Variants in PPM1D observed in about 807,000 individuals in gnomAD.
The protein encoded by PPM1D is protein phosphatase, Mg2+/Mn2+ dependent 1D.
PPM1D carries 52 observed loss-of-function variants against 58.3 expected under a neutral mutation model. That is an observed-to-expected ratio of 0.89 (90% CI 0.71 to 1.12). The LOEUF (loss-of-function observed/expected upper bound fraction) is 1.12, where lower values mean the gene tolerates loss of function less well. PPM1D is among the 50% of genes most tolerant of loss of function. PPM1D has a pLI of 0.00. For synonymous variants in PPM1D, 278 were observed against 285.1 expected (o/e 0.98, Z 0.25); for missense variants, 564 against 777.2 (o/e 0.73, Z 3.26).
intron 2 of PPM1D, among the ~76,000 whole-genome samples, chr17:60,627,426 T>C (rs1053662019): frequency 2.7e-5 from 4 of 149,476 alleles, no homozygotes; most frequent in Non-Finnish European, 5.9e-5. Flanking sequence ...TCTTTTTCTT[T>C]CTTTTTTTTT....
intron 1 of PPM1D, among the ~76,000 whole-genome samples, chr17:60,603,598 A>G (rs1598397553): frequency 6.6e-6 from 1 of 152,170 alleles, no homozygotes; most frequent in Non-Finnish European, 1.5e-5. Flanking sequence ...CCTTGTCTCT[A>G]CTAAAAATAC....
At position 60,614,065 on chromosome 17, in the gene PPM1D, C is replaced by T. The variant is rs915642259; in HGVS notation, c.473-9456C>T. 1.2e-4 allele frequency among the ~76,000 whole-genome samples: 18 copies of T among 152,226 alleles called. No individual in the cohort carries two copies. In the South Asian group the frequency reaches 1.7e-3, roughly 14 times the overall value. ...TGGCAGGCAGCTCCACCTGCGGCCCCGGTGCGGGATCCACTGCAAAGCCAG... is the reference window on the plus strand; with the variant it reads ...TGGCAGGCAGCTCCACCTGCGGCCCTGGTGCGGGATCCACTGCAAAGCCAG... On this transcript the variant is annotated intron_variant, in intron 1 of 5. Transcript: ENST00000305921.
intron 1 of PPM1D, among the ~76,000 whole-genome samples, chr17:60,617,236 G>T (rs950091828): frequency 6.6e-6 from 1 of 151,918 alleles, no homozygotes; most frequent in Non-Finnish European, 1.5e-5. Flanking sequence ...GTGAATGTAG[G>T]CATGAGCCAC....
chr17:60,658,334 C>T lies in PPM1D; in HGVS notation c.1260+1493C>T, dbSNP rs757489850. 7.1e-4 allele frequency among the ~76,000 whole-genome samples: 108 copies of T among 152,204 alleles called. No individual in the cohort carries two copies. In the Middle Eastern group the frequency reaches 0.014, roughly 19 times the overall value. ...CAGTCTGCTGACTGGCATTAGTAAA[C>T]CCATACATAAAATACGTTTAAAAAA... On this transcript the variant is annotated intron_variant, in intron 5 of 5. Transcript: ENST00000305921.
chr17:60,656,848 A>T lies in PPM1D; in HGVS notation c.1260+7A>T. 6.2e-7 allele frequency: 1 copy of T among 1,613,840 alleles called. No individual in the cohort carries two copies. The highest frequency in any genetic ancestry group is 1.7e-5 in the Admixed American group (1 of 59,926). On this transcript the variant is annotated splice_region_variant and intron_variant, in intron 5 of 5. Transcript: ENST00000305921. ...TTCTACACCACCAGTCAAGGTATAT[A>T]GTTCCATAGTTTTTAAGTTATGTTT...
At chr17:60,602,775 G>A (rs2030243108) in intron 1 of PPM1D, among the ~76,000 whole-genome samples, 2 of 79,648 alleles carry the variant, frequency 2.5e-5, no homozygotes, top group African/African-American at 4.3e-5. Context: ...CGTCCTCAAA[G>A]CTTGAAAAAA....
At chr17:60,651,402 T>G (rs1033944826) in intron 4 of PPM1D, among the ~76,000 whole-genome samples, 19 of 134,840 alleles carry the variant, frequency 1.4e-4, no homozygotes, top group African/African-American at 5.2e-4. Flanking sequence ...GTGTTTTTGG[T>G]TTTTTTTTTT....
Position 60,665,982 on chromosome 17 carries a change from GTC to G in PPM1D, c.*2431_*2432del, listed in dbSNP as rs1385269388. The G allele has an allele frequency of 6.6e-6, 1 of 152,124 alleles. No individual in the cohort carries two copies. Among genetic ancestry groups the G allele is most frequent in the African/African-American group, 2.4e-5 (1 of 41,436 alleles). The allele number at this position is 152,124 out of a possible 1,614,324, so 9.4% of individuals were successfully genotyped here. A position where few individuals can be genotyped will look rare whatever the true frequency, so the allele number is the denominator to read the frequency against. On this transcript the variant is annotated 3_prime_UTR_variant, in exon 6 of 6. Coordinates refer to ENST00000305921, the MANE Select transcript of PPM1D (RefSeq NM_003620.4). ...GTCATACCAATTCTGTATTTTGTTG[GTC>G]ACACAGACCAAGTCAACTACAACGT...
At chr17:60,655,303 CTT>C (rs1254762252) in intron 4 of PPM1D, among the ~76,000 whole-genome samples, 1 of 152,060 alleles carries the variant, frequency 6.6e-6, no homozygotes. Context: ...GCCTGATTGT[CTT>C]GTTTGTGAAT....
intron 1 of PPM1D, among the ~76,000 whole-genome samples, chr17:60,620,823 T>G (rs1236819403): frequency 6.6e-6 from 1 of 152,158 alleles, no homozygotes; most frequent in African/African-American, 2.4e-5. Context: ...CCATTTCTTT[T>G]GGTGGTCATA....
chr17:60,645,542 A>C (rs1323796643), intron 3 of PPM1D, among the ~76,000 whole-genome samples: 1 of 139,112 alleles, frequency 7.2e-6, no homozygotes, highest in Admixed American at 7.3e-5. Flanking sequence ...ATGTGTATAT[A>C]TATGTATATA....
Position 60,621,132 on chromosome 17 carries a change from A to G in PPM1D, c.473-2389A>G, listed in dbSNP as rs533801192. Among the ~76,000 whole-genome samples the G allele has an allele frequency of 2.0e-5, 3 of 152,006 alleles. No homozygotes were observed. In the East Asian group the frequency reaches 5.9e-4, roughly 30 times the overall value. On this transcript the variant is annotated intron_variant, in intron 1 of 5. Coordinates refer to ENST00000305921, the MANE Select transcript of PPM1D (RefSeq NM_003620.4). ...GAGATGGGGTTTCATCATGTTGGCC[A>G]GGTTGGTCTCGAACTCCTGACCTCA...
intron 3 of PPM1D, among the ~76,000 whole-genome samples, chr17:60,634,969 G>A (rs761413098): frequency 4.0e-5 from 6 of 151,552 alleles, no homozygotes; most frequent in African/African-American, 1.2e-4. Flanking sequence ...TTAAGGAGAC[G>A]GGGTCTCACT....
At position 60,602,845 on chromosome 17, in the gene PPM1D, T is replaced by A. The variant is rs114726824; in HGVS notation, c.472+1959T>A. Among the ~76,000 whole-genome samples, 971 of 151,084 alleles carry A rather than the reference T, an allele frequency of 6.4e-3. 12 individuals are homozygous for A. Among genetic ancestry groups the A allele is most frequent in the African/African-American group, 0.023 (939 of 41,300 alleles). Reference sequence around the variant, plus strand: ...AGTCTTGACAAAGGAAACGAAGGTTTAAATTTTTTTTTCAATCACAAATTC... The same window carrying A: ...AGTCTTGACAAAGGAAACGAAGGTTAAAATTTTTTTTTCAATCACAAATTC... On this transcript the variant is annotated intron_variant, in intron 1 of 5. Coordinates refer to ENST00000305921, the MANE Select transcript of PPM1D (RefSeq NM_003620.4).
At chr17:60,612,889 C>G (rs906839471) in intron 1 of PPM1D, among the ~76,000 whole-genome samples, 2 of 152,008 alleles carry the variant, frequency 1.3e-5, no homozygotes, top group African/African-American at 4.8e-5. Flanking sequence ...ATTTACCACC[C>G]CTTCTTCTTT....
At position 60,600,271 on chromosome 17, in the gene PPM1D, C is replaced by T. The variant is rs937097037; in HGVS notation, c.-144C>T. 2.1e-6 allele frequency: 3 copies of T among 1,410,496 alleles called. No individual in the cohort carries two copies. The highest frequency in any genetic ancestry group is 3.0e-5 in the African/African-American group (2 of 67,168). 87.4% of individuals were successfully genotyped at this position (1,410,496 alleles called of 1,614,324 possible). A position where few individuals can be genotyped will look rare whatever the true frequency, so the allele number is the denominator to read the frequency against. ...CTCGCGGACAAGTCCAGACATCGCG[C>T]GCCCCCCCTTCTCCGGGTCCGCCCC... On this transcript the variant is annotated 5_prime_UTR_variant, in exon 1 of 6. Transcript: ENST00000305921.
intron 5 of PPM1D, among the ~76,000 whole-genome samples, chr17:60,661,549 C>T (rs957211286): frequency 1.3e-5 from 2 of 152,152 alleles, no homozygotes; most frequent in South Asian, 2.1e-4. Context: ...TAGAGCACTA[C>T]ACTCAAAGTA....
intron 1 of PPM1D, among the ~76,000 whole-genome samples, chr17:60,616,559 A>G (rs1203623943): frequency 1.3e-5 from 2 of 152,136 alleles, no homozygotes; most frequent in Non-Finnish European, 2.9e-5. Context: ...GCAGTGAGCC[A>G]AGATCACGCC....
At chr17:60,609,840 T>A (rs1325448717) in intron 1 of PPM1D, among the ~76,000 whole-genome samples, 1 of 152,234 alleles carries the variant, frequency 6.6e-6, no homozygotes, top group Non-Finnish European at 1.5e-5. Flanking sequence ...ATTAATGTTG[T>A]TAATTTCTTA....
Sources: allele counts gnomAD v4.1 joint callset (sites outside exome capture counted in the v4.1 genomes callset), GRCh38; gene constraint gnomAD v4.1.1; transcripts MANE v1.5; gene names NCBI Gene and HGNC (gene_info 2026-07-23, HGNC 2026-07-21).